The following TRPM7 variants were observed in gnomAD, a reference collection of about 807,000 sequenced individuals.
The protein encoded by TRPM7 is transient receptor potential cation channel subfamily M member 7, also known as LTRPC ion channel family member 7.
In TRPM7, 134 loss-of-function variants were observed where a neutral mutation model predicts 229.7. That is an observed-to-expected ratio of 0.58 (90% confidence interval 0.51 to 0.67). TRPM7 has a LOEUF of 0.67. TRPM7 is among the 30% of genes least tolerant of loss of function. The pLI, the probability that TRPM7 is intolerant of heterozygous loss-of-function variation, is 0.00. For missense variants in TRPM7, 1,901 were observed against 2,210.0 expected (o/e 0.86, Z 2.80); for synonymous variants, 699 against 715.2 (o/e 0.98, Z 0.36).
chr15:50,572,175 TGCAGGAGGCTGAG>T (rs2053922630), intron 36 of TRPM7, among the ~76,000 whole-genome samples: 1 of 152,186 alleles, frequency 6.6e-6, no homozygotes, highest in Non-Finnish European at 1.5e-5. Context: ...GTCCCAGCTA[TGCAGGAGGCTGAG>T]GCAGGAGGAT....
At chr15:50,588,190 C>T (rs1425901014) in intron 27 of TRPM7, 2 of 982,454 alleles carry the variant, frequency 2.0e-6, no homozygotes, top group African/African-American at 3.5e-5. Flanking sequence ...AGAGACTTTA[C>T]CTCATATTTA....
intron 5 of TRPM7, among the ~76,000 whole-genome samples, chr15:50,641,053 C>T (rs187023670): frequency 1.0e-3 from 153 of 152,306 alleles, no homozygotes; most frequent in African/African-American, 3.6e-3. Context: ...TAATGCATCA[C>T]ATCTCATCCC....
At chr15:50,672,602 T>G (rs2062012760) in intron 1 of TRPM7, among the ~76,000 whole-genome samples, 1 of 151,760 alleles carries the variant, frequency 6.6e-6, no homozygotes, top group African/African-American at 2.4e-5. Flanking sequence ...GTAAAATAAT[T>G]TTAAAATGTT....
At chr15:50,579,296 G>A (rs2054286647) in intron 30 of TRPM7, among the ~76,000 whole-genome samples, 1 of 152,194 alleles carries the variant, frequency 6.6e-6, no homozygotes. Context: ...TCATTACACA[G>A]CTATGTAGCC....
intron 3 of TRPM7, among the ~76,000 whole-genome samples, chr15:50,654,360 T>G (rs991076824): frequency 6.6e-6 from 1 of 151,138 alleles, no homozygotes; most frequent in Non-Finnish European, 1.5e-5. Flanking sequence ...GGCAGGAGAA[T>G]TGCTTGAACC....
chr15:50,686,383 C>A (rs1043741791), intron 1 of TRPM7, 148 bp downstream of exon 1: 50 of 1,357,634 alleles, frequency 3.7e-5, no homozygotes, highest in Non-Finnish European at 5.0e-5. Flanking sequence ...ACACCCGTCC[C>A]GAGAGGACAA....
At chr15:50,577,381 C>G (rs2054186021) in intron 31 of TRPM7, among the ~76,000 whole-genome samples, 1 of 152,014 alleles carries the variant, frequency 6.6e-6, no homozygotes, top group Admixed American at 6.6e-5. Context: ...AATCTCGTCT[C>G]TACAGAAACA....
At chr15:50,593,817 T>C in intron 24 of TRPM7, 68 bp from the exon 25 acceptor site, 1 of 1,461,126 alleles carries the variant, frequency 6.8e-7, no homozygotes. Flanking sequence ...CTCATAATTC[T>C]TACGAATTAT....
rs1309438546 is a variant in TRPM7, at chr15:50,601,980, C to G, written c.2989-2684G>C. Reference sequence around the variant, plus strand: ...CTTTTTTTTTTTTTTAATGATTATACTTTAAGTTCTAGGGTAAAGAAATAC... The same window carrying G: ...CTTTTTTTTTTTTTTAATGATTATAGTTTAAGTTCTAGGGTAAAGAAATAC... On this transcript the variant is annotated intron_variant, in intron 21 of 38. Coordinates refer to ENST00000646667, the MANE Select transcript of TRPM7 (RefSeq NM_017672.6). Among the ~76,000 whole-genome samples the G allele has an allele frequency of 2.7e-5, 4 of 147,522 alleles. No homozygotes were observed. In the South Asian group the frequency reaches 8.6e-4, roughly 32 times the overall value.
rs1004293635 is a variant in TRPM7 at position 50,557,402 on chromosome 15, T to C, written c.*4276A>G. 3 of 152,158 alleles carry C rather than the reference T, an allele frequency of 2.0e-5. No individual in the cohort carries two copies. Among genetic ancestry groups the C allele is most frequent in the Non-Finnish European group, 4.4e-5 (3 of 68,044 alleles). The allele number at this position is 152,158 out of a possible 1,614,324, so 9.4% of individuals were successfully genotyped here. A position where few individuals can be genotyped will look rare whatever the true frequency, so the allele number is the denominator to read the frequency against. Reference sequence around the variant, plus strand: ...CCTTCCCTCTGTGAAGCATATAATCTAGTGGGGTAGACTGCTAGCTACTAA... The same window carrying C: ...CCTTCCCTCTGTGAAGCATATAATCCAGTGGGGTAGACTGCTAGCTACTAA... On this transcript the variant is annotated 3_prime_UTR_variant, in exon 39 of 39. Transcript: ENST00000646667.
intron 22 of TRPM7, among the ~76,000 whole-genome samples, chr15:50,598,791 G>T (rs2059698332): frequency 6.6e-6 from 1 of 152,146 alleles, no homozygotes; most frequent in Non-Finnish European, 1.5e-5. Flanking sequence ...TTGGCAGCCG[G>T]AAGAAAAAGA....
At chr15:50,657,284 A>G (rs763882884) in intron 3 of TRPM7, among the ~76,000 whole-genome samples, 8 of 152,224 alleles carry the variant, frequency 5.3e-5, no homozygotes, top group Non-Finnish European at 1.0e-4. Context: ...AGATTGTGCC[A>G]CTGCACTCCA....
Position 50,686,688 on chromosome 15 carries a change from G to A in TRPM7, c.-155C>T. On this transcript the variant is annotated 5_prime_UTR_variant, in exon 1 of 39. Coordinates refer to ENST00000646667, the MANE Select transcript of TRPM7 (RefSeq NM_017672.6). ...ACCTTCTCAGAACTAACTCAGCTCCGGCGCTAGCAGCAGAAGCCGAGTCTT... is the reference window on the plus strand; with the variant it reads ...ACCTTCTCAGAACTAACTCAGCTCCAGCGCTAGCAGCAGAAGCCGAGTCTT... 3 of 957,584 alleles carry A rather than the reference G, an allele frequency of 3.1e-6. No individual in the cohort carries two copies. Among genetic ancestry groups the A allele is most frequent in the Non-Finnish European group, 4.5e-6 (3 of 662,482 alleles). 59.3% of individuals were successfully genotyped at this position (957,584 alleles called of 1,614,324 possible).
At chr15:50,655,135 T>TA (rs34148042) in intron 3 of TRPM7, among the ~76,000 whole-genome samples, 51,481 of 141,194 alleles carry the variant, frequency 0.36, 10,061 homozygotes, top group Admixed American at 0.43. Flanking sequence ...AAAAGTTAAT[T>TA]AAAAAAAAAA....
chr15:50,587,405 C>CTTTTTTTT lies in TRPM7; in HGVS notation c.4390-925_4390-918dup, dbSNP rs34826776. On this transcript the variant is annotated intron_variant, in intron 27 of 38. Transcript: ENST00000646667. ...GGCTTTACTGGCTCAATAAATACTG[C>CTTTTTTTT]TTTTTTTTTTTTTTTTTTTGAGATG... is the stretch of plus-strand genomic sequence containing the variant. Among the ~76,000 whole-genome samples the CTTTTTTTT allele has an allele frequency of 1.7e-4, 16 of 91,658 alleles. 3 individuals are homozygous for CTTTTTTTT. The highest frequency in any genetic ancestry group is 4.1e-4 in the East Asian group (1 of 2,452). The allele number at this position is 91,658 out of a possible 152,430, so 60.1% of individuals were successfully genotyped here. A position where few individuals can be genotyped will look rare whatever the true frequency, so the allele number is the denominator to read the frequency against.
At chr15:50,579,966 G>T (rs572675557) in intron 30 of TRPM7, among the ~76,000 whole-genome samples, 1 of 152,122 alleles carries the variant, frequency 6.6e-6, no homozygotes, top group Admixed American at 6.6e-5. Flanking sequence ...TAGAGATGGG[G>T]TCTCACTATG....
rs190938987 is a variant in TRPM7, at chr15:50,557,429, T to C, written c.*4249A>G. On this transcript the variant is annotated 3_prime_UTR_variant, in exon 39 of 39. Coordinates refer to ENST00000646667, the MANE Select transcript of TRPM7 (RefSeq NM_017672.6). ...GTGGGGTAGACTGCTAGCTACTAACTATGAAAACAACATAGTCTGACTTGA... is the reference window on the plus strand; with the variant it reads ...GTGGGGTAGACTGCTAGCTACTAACCATGAAAACAACATAGTCTGACTTGA... The C allele has an allele frequency of 1.6e-4, 25 of 152,278 alleles. No individual in the cohort carries two copies. The East Asian group carries it at 4.8e-3, about 29-fold the overall frequency. 9.4% of individuals were successfully genotyped at this position (152,278 alleles called of 1,614,324 possible).
chr15:50,566,979 C>A (rs1245851564), intron 38 of TRPM7, among the ~76,000 whole-genome samples: 2 of 151,276 alleles, frequency 1.3e-5, no homozygotes, highest in African/African-American at 4.9e-5. Flanking sequence ...ACAGACCTAA[C>A]GGATATTAAA....
At chr15:50,576,192 T>C (rs1317906852) in intron 31 of TRPM7, among the ~76,000 whole-genome samples, 1 of 152,200 alleles carries the variant, frequency 6.6e-6, no homozygotes, top group African/African-American at 2.4e-5. Context: ...ACTCCTCCCA[T>C]ACCTCCCATT....
Sources: gnomAD v4.1 joint callset for allele counts (sites outside exome capture counted in the v4.1 genomes callset) on GRCh38, gnomAD v4.1.1 for gene constraint, MANE v1.5 for transcripts, NCBI Gene and HGNC (gene_info 2026-07-23, HGNC 2026-07-21) for gene names.